Variants in POC1B observed in about 807,000 individuals in gnomAD.
The protein encoded by POC1B is POC1 centriolar protein homolog B.
POC1B carries 44 observed loss-of-function variants against 60.6 expected under a neutral mutation model. The ratio of observed to expected loss-of-function variants is 0.73; its 90% CI spans 0.57 to 0.93. The LOEUF (loss-of-function observed/expected upper bound fraction) is 0.93, where lower values mean the gene tolerates loss of function less well. Ranked by LOEUF, POC1B falls within the 40% of genes least tolerant of loss-of-function variation. POC1B has a pLI of 0.00. For missense variants in POC1B, 555 were observed against 572.3 expected (o/e 0.97, Z 0.31); for synonymous variants, 180 against 198.9 (o/e 0.90, Z 0.80).
chr12:89,409,306 G>A, the POC1B span, among the ~76,000 whole-genome samples: 2 of 152,300 alleles, frequency 1.3e-5, no homozygotes, highest in East Asian at 1.9e-4. Flanking sequence ...TGTATAAGAT[G>A]TAAGGAAGGG....
At chr12:89,409,935 C>T in the POC1B span, among the ~76,000 whole-genome samples, 2 of 152,154 alleles carry the variant, frequency 1.3e-5, no homozygotes, top group Non-Finnish European at 1.5e-5. Context: ...AAAAAAGGGA[C>T]TCCTCCCTAT....
Position 89,526,018 on chromosome 12 carries a change from C to T in POC1B, c.-123G>A. ...CCGTCTGCCCAGAGCGGCAGCGCCT[C>T]CCGGTCACTACAACAACGGCGGCCC... On this transcript the variant is annotated 5_prime_UTR_variant, in exon 1 of 12. Transcript: ENST00000313546. The T allele has an allele frequency of 6.5e-7, 1 of 1,538,222 alleles. No individual in the cohort carries two copies. Among genetic ancestry groups the T allele is most frequent in the Non-Finnish European group, 8.7e-7 (1 of 1,145,846 alleles).
rs1033659660 is a variant in POC1B, at chr12:89,444,727, T to C, written c.1113+14911A>G. On this transcript the variant is annotated intron_variant, in intron 10 of 11. Coordinates refer to ENST00000313546, the MANE Select transcript of POC1B (RefSeq NM_172240.3). ...GGGATGCCCTCTCTCACCACTCCAA[T>C]TGAACATAGTGTTGGAAGTTCTGGC... Among the ~76,000 whole-genome samples the C allele has an allele frequency of 1.2e-4, 18 of 152,178 alleles. 1 individual carries two copies. The highest frequency in any genetic ancestry group is 1.2e-3 in the Admixed American group (18 of 15,278).
intron 2 of POC1B, among the ~76,000 whole-genome samples, chr12:89,517,571 T>G (rs1374562434): frequency 6.6e-6 from 1 of 151,814 alleles, no homozygotes; most frequent in Non-Finnish European, 1.5e-5. Context: ...AGATGGAGGT[T>G]GCAGTGAGCC....
rs1871462510 is a variant in POC1B, at chr12:89,525,980, G to T, written c.-85C>A. 3 of 1,544,596 alleles carry T rather than the reference G, an allele frequency of 1.9e-6. No individual in the cohort carries two copies. Among genetic ancestry groups the T allele is most frequent in the Non-Finnish European group, 2.6e-6 (3 of 1,145,384 alleles). On this transcript the variant is annotated 5_prime_UTR_variant, in exon 1 of 12. Transcript: ENST00000313546. Reference sequence around the variant, plus strand: ...AGGATGGGGAAGGAGAGGGGACCGTGCGGCTCCCGGAACCGTCTGCCCAGA... The same window carrying T: ...AGGATGGGGAAGGAGAGGGGACCGTTCGGCTCCCGGAACCGTCTGCCCAGA...
intron 2 of POC1B, among the ~76,000 whole-genome samples, chr12:89,509,592 A>C (rs1870075557): frequency 6.6e-6 from 1 of 152,214 alleles, no homozygotes; most frequent in South Asian, 2.1e-4. Context: ...ATTAGCTATA[A>C]ATAGAAAGCT....
At chr12:89,427,969 T>C (rs1476031653) in intron 10 of POC1B, 1 of 152,236 alleles carries the variant, frequency 6.6e-6, no homozygotes, top group Non-Finnish European at 1.5e-5. Flanking sequence ...CATACAGCAC[T>C]TATCTACATG....
chr12:89,502,612 G>GATT, intron 2 of POC1B: 1 of 1,289,988 alleles, frequency 7.8e-7, no homozygotes, highest in Non-Finnish European at 1.1e-6. Context: ...AAACAAGAGA[G>GATT]ATTATTCTCA....
chr12:89,444,790 C>T (rs1322657468), intron 10 of POC1B, among the ~76,000 whole-genome samples: 2 of 152,076 alleles, frequency 1.3e-5, no homozygotes, highest in African/African-American at 2.4e-5. Context: ...AAAGGGTATT[C>T]AATTAGGAAA....
chr12:89,472,375 C>T (rs1882934393), intron 4 of POC1B, 100 bp from the exon 5 acceptor site: 1 of 739,508 alleles, frequency 1.4e-6, no homozygotes, highest in East Asian at 2.7e-5. Context: ...ATATTAAATA[C>T]CAGAGACCAC....
chr12:89,525,803 C>A, intron 1 of POC1B, 78 bp downstream of exon 1: 1 of 1,383,704 alleles, frequency 7.2e-7, no homozygotes, highest in Non-Finnish European at 9.4e-7. Context: ...CCAGGTGCGG[C>A]TTCGGCCCGG....
intron 10 of POC1B, among the ~76,000 whole-genome samples, 181 bp downstream of exon 10, chr12:89,459,457 C>G (rs963426598): frequency 1.3e-5 from 2 of 150,734 alleles, no homozygotes; most frequent in African/African-American, 4.9e-5. Context: ...CTGCTCCCCC[C>G]TTGTGGTAAA....
intron 4 of POC1B, among the ~76,000 whole-genome samples, chr12:89,478,380 A>G (rs1280778545): frequency 1.3e-5 from 2 of 152,100 alleles, no homozygotes; most frequent in Admixed American, 1.3e-4. Flanking sequence ...CAGCCTCCCA[A>G]AGTGTTAGGA....
chr12:89,500,311 A>G (rs1435961627), intron 2 of POC1B: 1 of 1,534,580 alleles, frequency 6.5e-7, no homozygotes, highest in African/African-American at 1.4e-5. Flanking sequence ...GTATTCAGTC[A>G]CCAAGCAAAG....
intron 2 of POC1B, chr12:89,524,533 G>C (rs1398059723): frequency 8.7e-6 from 14 of 1,611,384 alleles, no homozygotes; most frequent in Non-Finnish European, 1.2e-5. Context: ...GCCTGCCCAA[G>C]TCCACCTCAC....
chr12:89,502,701 C>T (rs1869635654), intron 2 of POC1B: 2 of 1,336,666 alleles, frequency 1.5e-6, no homozygotes, highest in Admixed American at 1.8e-5. Flanking sequence ...ACATTGGATA[C>T]ACCCTTTTTT....
chr12:89,502,709 T>A (rs1366076963), intron 2 of POC1B: 1 of 1,350,122 alleles, frequency 7.4e-7, no homozygotes, highest in African/African-American at 1.4e-5. Context: ...TACACCCTTT[T>A]TTTCTACTGG....
chr12:89,442,090 A>C (rs1019474777), intron 10 of POC1B, among the ~76,000 whole-genome samples: 8 of 152,208 alleles, frequency 5.3e-5, no homozygotes, highest in Non-Finnish European at 1.0e-4. Flanking sequence ...AGCCTCCAAG[A>C]AATACGGGAC....
At chr12:89,510,952 A>G (rs1332343285) in intron 2 of POC1B, among the ~76,000 whole-genome samples, 1 of 151,516 alleles carries the variant, frequency 6.6e-6, no homozygotes, top group Non-Finnish European at 1.5e-5. Flanking sequence ...ACAGGGTTTC[A>G]CCATGTTGGC....
Sources: gnomAD v4.1 joint callset for allele counts (sites outside exome capture counted in the v4.1 genomes callset) on GRCh38, gnomAD v4.1.1 for gene constraint, MANE v1.5 for transcripts, NCBI Gene and HGNC (gene_info 2026-07-23, HGNC 2026-07-21) for gene names.